AKT3: variants seen among roughly 807,000 people sequenced by gnomAD.
AKT3 encodes the protein AKT serine/threonine kinase 3, also known as RAC-gamma serine/threonine-protein kinase.
In AKT3, 15 loss-of-function variants were observed where a neutral mutation model predicts 65.3. The ratio of observed to expected loss-of-function variants is 0.23; its 90% CI spans 0.15 to 0.35. The LOEUF (loss-of-function observed/expected upper bound fraction) is 0.35, where lower values mean the gene tolerates loss of function less well. Ranked by LOEUF, AKT3 falls within the 10% of genes least tolerant of loss-of-function variation. AKT3 has a pLI of 1.00. For missense variants in AKT3, 243 were observed against 576.5 expected, an observed-to-expected ratio of 0.42 and a Z score of 5.92; for synonymous variants, 206 against 183.8, an observed-to-expected ratio of 1.12 and a Z score of -0.98.
At chr1:243,650,003 T>C (rs1226329358) in intron 4 of AKT3, among the ~76,000 whole-genome samples, 3 of 152,230 alleles carry the variant, frequency 2.0e-5, no homozygotes, top group Non-Finnish European at 4.4e-5. Context: ...TCTTCCACAA[T>C]GGTTGAACTA....
chr1:243,672,122 T>C (rs1456936669), intron 3 of AKT3, among the ~76,000 whole-genome samples: 1 of 152,194 alleles, frequency 6.6e-6, no homozygotes, highest in Admixed American at 6.5e-5. Flanking sequence ...TCTGGTTCTC[T>C]CCACAGTATA....
At position 243,774,079 on chromosome 1, in the gene AKT3, T is replaced by TC. The variant is rs367710989; in HGVS notation, c.46+69045dup. 1.6e-3 allele frequency among the ~76,000 whole-genome samples: 241 copies of TC among 152,180 alleles called. 2 individuals are homozygous for TC. Among genetic ancestry groups the TC allele is most frequent in the African/African-American group, 5.7e-3 (236 of 41,526 alleles). ...CAAGAAAAAAAAGGTCACAAAAGGG[T>TC]CCTAGAGACAAACTTTTCCTACTTT... On this transcript the variant is annotated intron_variant, in intron 2 of 13. Transcript: ENST00000673466.
intron 8 of AKT3, among the ~76,000 whole-genome samples, chr1:243,574,706 A>T (rs1322562068): frequency 1.3e-5 from 2 of 152,174 alleles, no homozygotes; most frequent in Non-Finnish European, 2.9e-5. Context: ...CCTAACAAGG[A>T]TAGAAAGTAG....
intron 8 of AKT3, among the ~76,000 whole-genome samples, chr1:243,604,691 A>G (rs1677266669): frequency 6.6e-6 from 1 of 152,156 alleles, no homozygotes; most frequent in Non-Finnish European, 1.5e-5. Flanking sequence ...CTCTCCATGC[A>G]CAGTAACCAG....
intron 8 of AKT3, among the ~76,000 whole-genome samples, chr1:243,598,314 G>A (rs1300009055): frequency 6.6e-6 from 1 of 151,972 alleles, no homozygotes; most frequent in Non-Finnish European, 1.5e-5. Context: ...TGTTCAAAAA[G>A]GAAAGTGAAT....
chr1:243,729,532 T>C (rs908830293), intron 2 of AKT3, among the ~76,000 whole-genome samples: 2 of 152,176 alleles, frequency 1.3e-5, no homozygotes, highest in African/African-American at 4.8e-5. Context: ...ACCATATCCT[T>C]TGAGCCAGTA....
intron 13 of AKT3, among the ~76,000 whole-genome samples, chr1:243,508,589 C>T (rs576539924): frequency 5.1e-4 from 77 of 151,770 alleles, no homozygotes; most frequent in Admixed American, 3.3e-3. Flanking sequence ...CTCTCGTTTC[C>T]GTACTGTCCA....
chr1:243,768,001 GA>G (rs1182665957), intron 2 of AKT3, among the ~76,000 whole-genome samples: 15 of 150,998 alleles, frequency 9.9e-5, no homozygotes, highest in East Asian at 1.9e-4. Context: ...TAGAGAGGGG[GA>G]AAAAAATAAA....
At chr1:243,760,282 C>CTTTTT (rs58733457) in intron 2 of AKT3, among the ~76,000 whole-genome samples, 1,080 of 80,892 alleles carry the variant, frequency 0.013, 155 homozygotes, top group African/African-American at 0.046. Context: ...CTATATCTGG[C>CTTTTT]TTTTTTTTTT....
At chr1:243,523,668 T>C (rs1027805798) in intron 12 of AKT3, among the ~76,000 whole-genome samples, 61 of 152,146 alleles carry the variant, frequency 4.0e-4, no homozygotes, top group African/African-American at 1.3e-3. Flanking sequence ...TTAATTTTAA[T>C]CCAATCCTAA....
At chr1:243,675,718 C>A (rs1683465249) in intron 3 of AKT3, among the ~76,000 whole-genome samples, 1 of 152,154 alleles carries the variant, frequency 6.6e-6, no homozygotes, top group Non-Finnish European at 1.5e-5. Context: ...ATTTTCATTT[C>A]TTTGCAGCAT....
intron 5 of AKT3, among the ~76,000 whole-genome samples, chr1:243,638,121 CA>C (rs1407432145): frequency 6.6e-6 from 1 of 152,064 alleles, no homozygotes; most frequent in Non-Finnish European, 1.5e-5. Context: ...CAAACATTTC[CA>C]AATATGCCTA....
Position 243,792,304 on chromosome 1 carries a change from A to G in AKT3, c.46+50821T>C, listed in dbSNP as rs1338621974. 2.1e-3 allele frequency among the ~76,000 whole-genome samples: 3 copies of G among 1,408 alleles called. No individual in the cohort carries two copies. The Admixed American group carries it at 0.024, about 11-fold the overall frequency. 0.9% of individuals were successfully genotyped at this position (1,408 alleles called of 152,430 possible). ...TTATTTGTGGGGAAACAATTTATTC[A>G]CTTAACTCAAAAATATGTCTCCAAT... is the stretch of plus-strand genomic sequence containing the variant. On this transcript the variant is annotated intron_variant, in intron 2 of 13. Transcript: ENST00000673466.
chr1:243,545,602 G>C lies in AKT3; in HGVS notation c.1164-5C>G, dbSNP rs140783232. On this transcript the variant is annotated splice_polypyrimidine_tract_variant and splice_region_variant and intron_variant, in intron 11 of 13. Transcript: ENST00000673466. ...TCATCTGGTCCTCCACCAAGGCTAT[G>C]AGAACAGAAATAAAATTAAGTAAGT... 23 of 1,599,416 alleles carry C rather than the reference G, an allele frequency of 1.4e-5. No individual in the cohort carries two copies. The East Asian group carries it at 4.5e-4, about 31-fold the overall frequency.
intron 12 of AKT3, among the ~76,000 whole-genome samples, chr1:243,528,500 G>A (rs1330555284): frequency 6.6e-6 from 1 of 152,040 alleles, no homozygotes; most frequent in Admixed American, 6.5e-5. Context: ...GTAGGCCTTG[G>A]TGTCTGCTCT....
intron 3 of AKT3, among the ~76,000 whole-genome samples, chr1:243,683,678 G>C (rs1304436516): frequency 6.6e-6 from 1 of 152,146 alleles, no homozygotes. Flanking sequence ...GGCAGATACA[G>C]AGGAAAGGAA....
At chr1:243,708,857 T>C (rs1320279682) in intron 2 of AKT3, among the ~76,000 whole-genome samples, 1 of 151,974 alleles carries the variant, frequency 6.6e-6, no homozygotes, top group Non-Finnish European at 1.5e-5. Flanking sequence ...CCAATACCAA[T>C]ACACTCGTTT....
In AKT3 at chr1:243,744,929, T is replaced by TA. The variant is rs774780626; in HGVS notation, c.47-49214dup. The stretch of plus-strand genomic sequence containing the variant: ...CTGTATTCATGAGTCCTTGGCTCAT[T>TA]AAAAAAAAAAAATTGTTTTAATTTC... On this transcript the variant is annotated intron_variant, in intron 2 of 13. Transcript: ENST00000673466. 6.0e-3 allele frequency among the ~76,000 whole-genome samples: 878 copies of TA among 146,028 alleles called. 8 individuals are homozygous for TA. Among genetic ancestry groups the TA allele is most frequent in the Admixed American group, 0.024 (357 of 14,610 alleles).
chr1:243,783,022 G>A (rs908255003), intron 2 of AKT3, among the ~76,000 whole-genome samples: 2 of 152,094 alleles, frequency 1.3e-5, no homozygotes, highest in South Asian at 2.1e-4. Flanking sequence ...AGCTCTTCCC[G>A]CTTCCTGAGT....
Sources: gnomAD v4.1 joint callset for allele counts (sites outside exome capture counted in the v4.1 genomes callset) on GRCh38, gnomAD v4.1.1 for gene constraint, MANE v1.5 for transcripts, NCBI Gene and HGNC (gene_info 2026-07-23, HGNC 2026-07-21) for gene names.